Variants in CMTM7 observed in about 807,000 individuals in gnomAD.
CMTM7 encodes the protein CKLF like MARVEL transmembrane domain containing 7, also known as CKLF-like MARVEL transmembrane domain-containing protein 7.
In CMTM7, 7 loss-of-function variants were observed where a neutral mutation model predicts 19.3. The observed-to-expected ratio is 0.36, with a 90% confidence interval of 0.21 to 0.68. CMTM7 has a LOEUF of 0.68. CMTM7 is among the 30% of genes least tolerant of loss of function. CMTM7 has a pLI of 0.60. For synonymous variants in CMTM7, 87 were observed against 99.3 expected (o/e 0.88, Z 0.74); for missense variants, 193 against 232.6 (o/e 0.83, Z 1.11).
intron 1 of CMTM7, among the ~76,000 whole-genome samples, chr3:32,422,508 C>G (rs1696359898): frequency 6.6e-6 from 1 of 152,236 alleles, no homozygotes; most frequent in Non-Finnish European, 1.5e-5. Flanking sequence ...CAACCAGTGC[C>G]GTCTCGTAGC....
At chr3:32,409,698 G>C (rs1696143705) in intron 1 of CMTM7, among the ~76,000 whole-genome samples, 1 of 152,188 alleles carries the variant, frequency 6.6e-6, no homozygotes, top group South Asian at 2.1e-4. Flanking sequence ...AGTCAGTTTG[G>C]TGGGACCCTC....
chr3:32,445,993 A>G (rs1696748365), intron 2 of CMTM7, among the ~76,000 whole-genome samples: 2 of 152,154 alleles, frequency 1.3e-5, no homozygotes, highest in African/African-American at 2.4e-5. Flanking sequence ...TCTGATGTCC[A>G]TCTGGTTCTG....
intron 1 of CMTM7, among the ~76,000 whole-genome samples, chr3:32,428,417 C>T (rs978552077): frequency 2.0e-5 from 3 of 152,146 alleles, no homozygotes; most frequent in Non-Finnish European, 2.9e-5. Context: ...GTAAAATAAA[C>T]AGGAGTTTCA....
At chr3:32,397,135 A>G (rs2125617439) in intron 1 of CMTM7, among the ~76,000 whole-genome samples, 1 of 152,322 alleles carries the variant, frequency 6.6e-6, no homozygotes, top group East Asian at 1.9e-4. Context: ...AAAGTAGTTT[A>G]CTAGACGCCA....
chr3:32,405,434 A>T (rs1286890970), intron 1 of CMTM7, among the ~76,000 whole-genome samples: 1 of 152,216 alleles, frequency 6.6e-6, no homozygotes, highest in East Asian at 1.9e-4. Flanking sequence ...GGCTGTGGTC[A>T]CATGTCATTA....
chr3:32,409,153 T>C (rs774051798), intron 1 of CMTM7, among the ~76,000 whole-genome samples: 1 of 152,210 alleles, frequency 6.6e-6, no homozygotes, highest in Non-Finnish European at 1.5e-5. Flanking sequence ...AGTGCTGGGA[T>C]TACAGGCATG....
chr3:32,452,511 G>C, intron 4 of CMTM7, 38 bp downstream of exon 4: 1 of 1,599,724 alleles, frequency 6.3e-7, no homozygotes, highest in Non-Finnish European at 8.6e-7. Flanking sequence ...GATCTCTCAG[G>C]AACAGGGGGA....
intron 1 of CMTM7, among the ~76,000 whole-genome samples, chr3:32,426,942 A>G (rs1358039326): frequency 6.6e-6 from 1 of 152,236 alleles, no homozygotes; most frequent in Non-Finnish European, 1.5e-5. Context: ...ATGATGTGCT[A>G]TATTATATAC....
chr3:32,447,677 A>G (rs1303871475), intron 2 of CMTM7, among the ~76,000 whole-genome samples: 1 of 152,084 alleles, frequency 6.6e-6, no homozygotes, highest in Non-Finnish European at 1.5e-5. Flanking sequence ...TTGTTATAAA[A>G]TGTCCCTCTT....
chr3:32,420,611 C>T (rs745680262), intron 1 of CMTM7, among the ~76,000 whole-genome samples: 15 of 152,114 alleles, frequency 9.9e-5, no homozygotes, highest in South Asian at 4.2e-4. Flanking sequence ...ACTGGGGACA[C>T]GGTTGAAAAG....
At chr3:32,418,647 G>A (rs1034603114) in intron 1 of CMTM7, among the ~76,000 whole-genome samples, 7 of 152,052 alleles carry the variant, frequency 4.6e-5, no homozygotes, top group Middle Eastern at 3.4e-3. Context: ...ACTACTTGTT[G>A]ACAAGGATAT....
chr3:32,410,971 C>T (rs544516800), intron 1 of CMTM7, among the ~76,000 whole-genome samples: 2 of 152,362 alleles, frequency 1.3e-5, no homozygotes, highest in East Asian at 3.9e-4. Context: ...AAGTGGCAAG[C>T]TCAGTTTGTG....
intron 3 of CMTM7, chr3:32,450,915 A>G (rs747253456): frequency 6.6e-6 from 1 of 152,236 alleles, no homozygotes; most frequent in South Asian, 2.1e-4. Context: ...AAATTTTTAA[A>G]ATATGGTCCC....
chr3:32,405,067 G>A (rs1696069604), intron 1 of CMTM7, among the ~76,000 whole-genome samples: 1 of 152,202 alleles, frequency 6.6e-6, no homozygotes, highest in East Asian at 1.9e-4. Context: ...CTGACAGCCA[G>A]CAAGAAAACG....
chr3:32,454,930 T>C lies in CMTM7; in HGVS notation c.*676T>C, dbSNP rs1199336667. 2.8e-5 allele frequency: 5 copies of C among 181,796 alleles called. No individual in the cohort carries two copies. Among genetic ancestry groups the C allele is most frequent in the Non-Finnish European group, 5.9e-5 (5 of 84,798 alleles). The allele number at this position is 181,796 out of a possible 1,614,324, so 11.3% of individuals were successfully genotyped here. On this transcript the variant is annotated 3_prime_UTR_variant, in exon 5 of 5. Transcript: ENST00000334983. ...CGAGCTTGTGTCTGGCCCATGGCCC[T>C]CCACCCGTGCTCTGTGTGTGCCCCT...
chr3:32,445,511 T>G (rs559590502), intron 2 of CMTM7, among the ~76,000 whole-genome samples: 7 of 151,884 alleles, frequency 4.6e-5, no homozygotes, highest in Non-Finnish European at 5.9e-5. Context: ...TTGTTTTTTG[T>G]TTTTTTTGTT....
intron 1 of CMTM7, among the ~76,000 whole-genome samples, chr3:32,404,816 G>A (rs541455416): frequency 7.1e-4 from 108 of 152,366 alleles, no homozygotes; most frequent in African/African-American, 2.5e-3. Context: ...ATATGCCAAG[G>A]TGAAGGGATG....
At chr3:32,396,204 G>A (rs1174535742) in intron 1 of CMTM7, among the ~76,000 whole-genome samples, 4 of 152,046 alleles carry the variant, frequency 2.6e-5, no homozygotes, top group African/African-American at 4.8e-5. Flanking sequence ...TGATGAAAAT[G>A]TTCAAAAAAT....
At chr3:32,394,585 A>G (rs925596114) in intron 1 of CMTM7, among the ~76,000 whole-genome samples, 4 of 152,202 alleles carry the variant, frequency 2.6e-5, no homozygotes, top group African/African-American at 9.7e-5. Flanking sequence ...CATGTCATTT[A>G]TACATGTGTA....
Sources: allele counts gnomAD v4.1 joint callset (sites outside exome capture counted in the v4.1 genomes callset), GRCh38; gene constraint gnomAD v4.1.1; transcripts MANE v1.5; gene names NCBI Gene and HGNC (gene_info 2026-07-23, HGNC 2026-07-21).